Variants in DLGAP1 observed in about 807,000 individuals in gnomAD.
DLGAP1 encodes DLG associated protein 1, also known as disks large-associated protein 1.
DLGAP1 carries 11 observed loss-of-function variants against 90.8 expected under a neutral mutation model. The observed-to-expected ratio is 0.12, with a 90% CI of 0.08 to 0.20. The LOEUF (loss-of-function observed/expected upper bound fraction) is 0.20. Ranked by LOEUF, DLGAP1 falls within the 10% of genes least tolerant of loss-of-function variation. The pLI is 1.00. For synonymous variants in DLGAP1, 558 were observed against 540.7 expected, an observed-to-expected ratio of 1.03 and a Z score of -0.44; for missense variants, 1,050 against 1,333.8, an observed-to-expected ratio of 0.79 and a Z score of 3.31.
In DLGAP1 at chr18:3,534,552, A is replaced by G; in HGVS notation, c.2121T>C (p.His707=). 3 of 1,613,736 alleles carry G rather than the reference A, an allele frequency of 1.9e-6. No homozygotes were observed. The highest frequency in any genetic ancestry group is 1.1e-5 in the South Asian group (1 of 91,002). Residue 707 remains histidine (H), a synonymous_variant, in exon 10 of 13, where the codon CAT becomes CAC. Transcript: ENST00000315677. The stretch of plus-strand genomic sequence containing the variant: ...ATTCCAGAGAATTTTCCAGATTATC[A>G]TGGAAGTCCAGGTCGGCCTGTACTG... ...TTAVQADLDF[H]DNLENSLESI... is the part of the protein sequence containing the mutation.
chr18:3,919,983 T>A (rs2072230471), intron 3 of DLGAP1, among the ~76,000 whole-genome samples: 1 of 152,164 alleles, frequency 6.6e-6, no homozygotes, highest in South Asian at 2.1e-4. Context: ...CTGCAGGATG[T>A]TATAGACCTG....
intron 3 of DLGAP1, among the ~76,000 whole-genome samples, chr18:3,891,273 C>CT (rs1224570020): frequency 6.6e-6 from 1 of 152,160 alleles, no homozygotes; most frequent in Non-Finnish European, 1.5e-5. Flanking sequence ...GCAGGTCAAA[C>CT]TTTTTTTGTT....
chr18:4,007,967 C>T (rs57348237), intron 2 of DLGAP1, among the ~76,000 whole-genome samples: 13,388 of 152,036 alleles, frequency 0.088, 1,699 homozygotes, highest in African/African-American at 0.28. Flanking sequence ...AGCTAAAAAC[C>T]CACATTTGGA....
intron 2 of DLGAP1, among the ~76,000 whole-genome samples, chr18:4,090,348 T>C (rs2075756289): frequency 6.6e-6 from 1 of 152,104 alleles, no homozygotes; most frequent in Non-Finnish European, 1.5e-5. Flanking sequence ...AATCTATTCA[T>C]CTGACAAAGG....
intron 3 of DLGAP1, among the ~76,000 whole-genome samples, chr18:3,946,967 G>T (rs2072889383): frequency 6.6e-6 from 1 of 152,150 alleles, no homozygotes; most frequent in Non-Finnish European, 1.5e-5. Context: ...TTTTAGGGGG[G>T]AGACTTACAT....
intron 7 of DLGAP1, among the ~76,000 whole-genome samples, chr18:3,638,740 T>G (rs1347238833): frequency 6.6e-6 from 1 of 152,238 alleles, no homozygotes; most frequent in East Asian, 1.9e-4. Context: ...CTTGAGGCAT[T>G]ATGTGCTTTC....
chr18:4,192,306 T>G, intron 1 of DLGAP1, among the ~76,000 whole-genome samples: 1 of 152,146 alleles, frequency 6.6e-6, no homozygotes, highest in Admixed American at 6.6e-5. Context: ...GTAGAATGGC[T>G]TATGATAGAA....
intron 5 of DLGAP1, among the ~76,000 whole-genome samples, chr18:3,772,125 TTTTC>T (rs1328327279): frequency 2.0e-5 from 3 of 149,932 alleles, no homozygotes; most frequent in African/African-American, 7.4e-5. Flanking sequence ...CCTTTCTTTC[TTTTC>T]TTTTCTTTCT....
At chr18:3,675,454 A>G (rs562022362) in intron 7 of DLGAP1, among the ~76,000 whole-genome samples, 5 of 152,246 alleles carry the variant, frequency 3.3e-5, no homozygotes, top group African/African-American at 1.2e-4. Flanking sequence ...ACTCAGATCC[A>G]GCAACATCTG....
At chr18:3,982,028 A>G (rs181120610) in intron 3 of DLGAP1, among the ~76,000 whole-genome samples, 185 of 152,340 alleles carry the variant, frequency 1.2e-3, no homozygotes, top group African/African-American at 4.2e-3. Context: ...CTAATAAAAA[A>G]TAATGCACAG....
chr18:3,836,615 T>C (rs1330704893), intron 4 of DLGAP1, among the ~76,000 whole-genome samples: 1 of 152,158 alleles, frequency 6.6e-6, no homozygotes, highest in African/African-American at 2.4e-5. Flanking sequence ...GCTTGTTCCA[T>C]GTTGGGCTTG....
At chr18:3,942,029 T>C (rs1238674654) in intron 3 of DLGAP1, among the ~76,000 whole-genome samples, 1 of 152,172 alleles carries the variant, frequency 6.6e-6, no homozygotes, top group Non-Finnish European at 1.5e-5. Context: ...ATGATGAAAA[T>C]TAGACAAAGA....
chr18:3,856,549 T>A (rs1008935331), intron 4 of DLGAP1, among the ~76,000 whole-genome samples: 13 of 152,060 alleles, frequency 8.5e-5, no homozygotes, highest in Admixed American at 2.6e-4. Context: ...TACTAATGGG[T>A]ATTAAATTAT....
Position 3,499,283 on chromosome 18 carries a change from T to A in DLGAP1, c.2836A>T (p.Met946Leu), listed in dbSNP as rs780640310. 6.3e-7 allele frequency: 1 copy of A among 1,596,024 alleles called. No individual in the cohort carries two copies. The highest frequency in any genetic ancestry group is 1.1e-5 in the South Asian group (1 of 88,774). ...ACGGACGCGGCGCGCTTGGCGGCCA[T>A]CAGGCGCTTGCGGGCCTCCTGGCGC... Reference protein sequence around the residue: ...SQRQEARKRLMAAKRAASVRQ... With the variant: ...SQRQEARKRLLAAKRAASVRQ... The change falls in exon 13 of 13, where the codon ATG becomes TTG. Residue 946 changes from methionine (M) to leucine (L), a missense_variant. Transcript: ENST00000315677. This position sits in a 1 kb window ranked among gnomAD's most constrained non-coding sequence, Gnocchi z 6.4.
chr18:4,133,016 C>T (rs939600304), intron 2 of DLGAP1, among the ~76,000 whole-genome samples: 1 of 152,178 alleles, frequency 6.6e-6, no homozygotes, highest in East Asian at 1.9e-4. Context: ...TTACTTTCTT[C>T]ATCTTTGAAA....
At chr18:3,773,345 T>C (rs1268182301) in intron 5 of DLGAP1, among the ~76,000 whole-genome samples, 1 of 152,228 alleles carries the variant, frequency 6.6e-6, no homozygotes, top group African/African-American at 2.4e-5. Context: ...TTTATTATAC[T>C]ACCAAGCATA....
At chr18:3,608,079 A>G (rs1040250205) in intron 7 of DLGAP1, 4 of 152,290 alleles carry the variant, frequency 2.6e-5, no homozygotes, top group African/African-American at 7.2e-5. Flanking sequence ...TAATCCCAGC[A>G]TTTTGGGAGG....
chr18:3,734,074 C>G (rs1016032198), intron 6 of DLGAP1, among the ~76,000 whole-genome samples: 4 of 152,260 alleles, frequency 2.6e-5, no homozygotes, highest in African/African-American at 9.6e-5. Context: ...TATGTAGCTT[C>G]AAATCAACTT....
chr18:4,440,419 G>T (rs2615867), intron 1 of DLGAP1, among the ~76,000 whole-genome samples: 46,141 of 151,878 alleles, frequency 0.3, 7,292 homozygotes, highest in Non-Finnish European at 0.32. Context: ...GGACATTTGT[G>T]GATTTAACAG....
Sources: gnomAD v4.1 joint callset for allele counts (sites outside exome capture counted in the v4.1 genomes callset) on GRCh38, gnomAD v4.1.1 for gene constraint, Gnocchi (gnomAD v3.1) non-coding constraint, MANE v1.5 for transcripts, NCBI Gene and HGNC (gene_info 2026-07-23, HGNC 2026-07-21) for gene names.